Variants in BTAF1 observed in about 807,000 individuals in gnomAD.
BTAF1 encodes TATA-binding protein-associated factor 172.
A neutral mutation model predicts 227.1 loss-of-function variants in BTAF1; 38 were observed. That is an observed-to-expected ratio of 0.17 (90% CI 0.13 to 0.22). The LOEUF is 0.22. Ranked by LOEUF, BTAF1 falls within the 10% of genes least tolerant of loss-of-function variation. BTAF1 has a pLI of 1.00. For synonymous variants in BTAF1, 742 were observed against 751.9 expected, an observed-to-expected ratio of 0.99 and a Z score of 0.21; for missense variants, 1,598 against 2,204.0, an observed-to-expected ratio of 0.73 and a Z score of 5.51.
Position 91,980,525 on chromosome 10 carries a change from A to C in BTAF1, c.1722A>C (p.Glu574Asp). ...LRHIFQFCVL[E>D]SSQEILDLIH... is the part of the protein sequence containing the mutation. ...ACATTTTTCAGTTCTGTGTTTTGGAAAGCAGCCAGGAAATTCTGGACCTTA... is the reference window on the plus strand; with the variant it reads ...ACATTTTTCAGTTCTGTGTTTTGGACAGCAGCCAGGAAATTCTGGACCTTA... The change falls in exon 15 of 38, where the codon GAA becomes GAC. Residue 574 changes from glutamate to aspartate, a missense_variant. Physicochemically the swap from Glu to Asp is conservative, Grantham distance 45. Transcript: ENST00000265990. 1.2e-6 allele frequency: 2 copies of C among 1,612,918 alleles called. No individual in the cohort carries two copies. Among genetic ancestry groups the C allele is most frequent in the African/African-American group, 2.7e-5 (2 of 75,002 alleles).
At chr10:91,948,457 G>A (rs1446933240) in intron 4 of BTAF1, among the ~76,000 whole-genome samples, 3 of 151,218 alleles carry the variant, frequency 2.0e-5, no homozygotes, top group East Asian at 1.9e-4. Context: ...TGATATGATC[G>A]TAGCTCAGTG....
rs1850721098 is a variant in BTAF1, at chr10:92,016,309, T to G, written c.4585-31T>G. 4 of 1,576,520 alleles carry G rather than the reference T, an allele frequency of 2.5e-6. No individual in the cohort carries two copies. The African/African-American group carries it at 4.1e-5, about 16-fold the overall frequency. ...TTGAACAATTGAAAATAAATATACT[T>G]AAAGCTTCTCCCACGGGGGCCATTT... On this transcript the variant is annotated intron_variant, in intron 32 of 37. Transcript: ENST00000265990.
intron 2 of BTAF1, among the ~76,000 whole-genome samples, chr10:91,939,702 T>C (rs902839880): frequency 1.3e-4 from 20 of 152,226 alleles, no homozygotes; most frequent in African/African-American, 4.8e-4. Flanking sequence ...TCTCCCAAAG[T>C]GCTGGGATTA....
At chr10:91,981,944 A>G (rs1470583928) in intron 16 of BTAF1, 139 bp from the exon 17 acceptor site, 3 of 1,340,976 alleles carry the variant, frequency 2.2e-6, no homozygotes, top group Admixed American at 2.9e-5. Context: ...GACAAAATGA[A>G]TAGTAATGTT....
chr10:91,966,174 C>A (rs1008939369), intron 13 of BTAF1, among the ~76,000 whole-genome samples: 2 of 152,154 alleles, frequency 1.3e-5, no homozygotes, highest in African/African-American at 4.8e-5. Context: ...CCACCACTTG[C>A]TCATTTGATA....
chr10:91,988,068 A>G (rs1366000618), intron 19 of BTAF1, among the ~76,000 whole-genome samples: 2 of 152,222 alleles, frequency 1.3e-5, no homozygotes, highest in African/African-American at 4.8e-5. Context: ...AAAACCAAGC[A>G]TAAGTGTTAT....
rs772011617 is a variant in BTAF1, at chr10:91,966,736, G to A, written c.1629G>A (p.Thr543=). 1.5e-5 allele frequency: 24 copies of A among 1,613,706 alleles called. No individual in the cohort carries two copies. The highest frequency in any genetic ancestry group is 1.5e-5 in the Non-Finnish European group (18 of 1,179,886). The change falls in exon 14 of 38, where the codon ACG becomes ACA. Residue 543 remains threonine, a synonymous_variant. Transcript: ENST00000265990. ...GAGCAGCATTGGAAACTCTGTTTAC[G>A]TTATTATCAACACAGGACCAGGTAA... ...VRRAALETLF[T]LLSTQDQNSS...
intron 4 of BTAF1, 25 bp downstream of exon 4, chr10:91,942,593 G>T: frequency 6.2e-7 from 1 of 1,610,456 alleles, no homozygotes; most frequent in African/African-American, 1.3e-5. Context: ...TGAGAAGAAA[G>T]TCTAAAATTT....
intron 15 of BTAF1, among the ~76,000 whole-genome samples, chr10:91,980,995 C>G (rs906178605): frequency 6.6e-6 from 1 of 152,050 alleles, no homozygotes; most frequent in East Asian, 1.9e-4. Context: ...AAAGGAGGAG[C>G]CGTTTGATAT....
At chr10:92,027,003 C>A in intron 36 of BTAF1, 127 bp from the exon 37 acceptor site, 1 of 1,044,168 alleles carries the variant, frequency 9.6e-7, no homozygotes, top group Non-Finnish European at 1.4e-6. Flanking sequence ...GCTCATGTGG[C>A]CAGACAAAAT....
rs760595847 is a variant in BTAF1, at chr10:92,028,784, C to A, written c.5407-6C>A. 6.5e-6 allele frequency: 9 copies of A among 1,384,488 alleles called. No individual in the cohort carries two copies. Among genetic ancestry groups the A allele is most frequent in the South Asian group, 1.7e-5 (1 of 57,904 alleles). 85.8% of individuals were successfully genotyped at this position (1,384,488 alleles called of 1,614,324 possible). On this transcript the variant is annotated splice_region_variant and splice_polypyrimidine_tract_variant and intron_variant, in intron 37 of 37. Transcript: ENST00000265990. ...ATTTTTTTTTTTTTTGCCAATTTTT[C>A]TTAAGGATGGCAAAGCAGAAAAAGC...
chr10:91,992,776 C>T (rs1203844889), intron 21 of BTAF1, among the ~76,000 whole-genome samples: 1 of 152,154 alleles, frequency 6.6e-6, no homozygotes, highest in Non-Finnish European at 1.5e-5. Context: ...ATAATGGCAC[C>T]TCTGTTAATG....
chr10:91,969,780 A>G (rs1167625101), intron 14 of BTAF1, among the ~76,000 whole-genome samples: 3 of 152,116 alleles, frequency 2.0e-5, no homozygotes, highest in Admixed American at 2.0e-4. Context: ...CGTGGGCAAC[A>G]TGGTGAAACC....
chr10:91,961,264 A>G (rs1438760859), intron 11 of BTAF1, among the ~76,000 whole-genome samples: 3 of 152,140 alleles, frequency 2.0e-5, no homozygotes, highest in Non-Finnish European at 4.4e-5. Context: ...AATACTTTCC[A>G]GTTAGGATCA....
chr10:91,953,006 G>A (rs1319045816), intron 5 of BTAF1, among the ~76,000 whole-genome samples: 3 of 152,126 alleles, frequency 2.0e-5, no homozygotes, highest in Non-Finnish European at 2.9e-5. Context: ...ATATATCATG[G>A]ACCTTTGGGG....
At chr10:91,971,969 A>G (rs1024950409) in intron 14 of BTAF1, among the ~76,000 whole-genome samples, 1 of 152,198 alleles carries the variant, frequency 6.6e-6, no homozygotes, top group African/African-American at 2.4e-5. Flanking sequence ...AATTTAAGTT[A>G]TAATCCTATC....
chr10:91,966,107 G>A (rs1050871502), intron 13 of BTAF1, among the ~76,000 whole-genome samples: 5 of 152,194 alleles, frequency 3.3e-5, no homozygotes, highest in African/African-American at 7.2e-5. Context: ...AGAAATTTGA[G>A]TTTTCCTAAC....
intron 25 of BTAF1, among the ~76,000 whole-genome samples, chr10:92,004,183 T>C (rs1409498313): frequency 1.3e-5 from 2 of 152,238 alleles, no homozygotes; most frequent in African/African-American, 4.8e-5. Context: ...GTTGGTTGTC[T>C]CTTCAGTCCG....
At chr10:91,977,682 G>T (rs1847789764) in intron 14 of BTAF1, among the ~76,000 whole-genome samples, 1 of 152,140 alleles carries the variant, frequency 6.6e-6, no homozygotes, top group South Asian at 2.1e-4. Flanking sequence ...ATTTCTACCA[G>T]CAATGAGTGA....
Sources: allele counts gnomAD v4.1 joint callset (sites outside exome capture counted in the v4.1 genomes callset), GRCh38; gene constraint gnomAD v4.1.1; transcripts MANE v1.5; gene names NCBI Gene and HGNC (gene_info 2026-07-23, HGNC 2026-07-21).